RSBN1L: variants seen among roughly 807,000 people sequenced by gnomAD.
The protein encoded by RSBN1L is lysine-specific demethylase RSBN1L.
A neutral mutation model predicts 67.7 loss-of-function variants in RSBN1L; 30 were observed. The ratio of observed to expected loss-of-function variants is 0.44; its 90% CI spans 0.33 to 0.60. RSBN1L has a LOEUF of 0.60. Among genes scored for constraint, RSBN1L ranks in the 20% least tolerant of loss-of-function variants. RSBN1L has a pLI of 0.02. For synonymous variants in RSBN1L, 433 were observed against 387.0 expected, an observed-to-expected ratio of 1.12 and a Z score of -1.39; for missense variants, 992 against 1,031.7, an observed-to-expected ratio of 0.96 and a Z score of 0.53.
chr7:77,712,851 G>A (rs184889291), intron 1 of RSBN1L, among the ~76,000 whole-genome samples: 12 of 152,094 alleles, frequency 7.9e-5, no homozygotes, highest in Admixed American at 2.0e-4. Flanking sequence ...TTAAAACTTA[G>A]GATAAAGTTC....
intron 2 of RSBN1L, among the ~76,000 whole-genome samples, chr7:77,741,165 G>T (rs373743747): frequency 6.6e-6 from 1 of 150,728 alleles, no homozygotes; most frequent in Non-Finnish European, 1.5e-5. Context: ...TTTTGTGTTT[G>T]TAGTAGAGAT....
intron 3 of RSBN1L, among the ~76,000 whole-genome samples, chr7:77,758,885 T>C (rs1791659651): frequency 6.6e-6 from 1 of 152,242 alleles, no homozygotes; most frequent in African/African-American, 2.4e-5. Flanking sequence ...GTACATACTC[T>C]GGAACCCTGT....
rs963392986 is a variant in RSBN1L, at chr7:77,779,792, T to C, written c.*624T>C. On this transcript the variant is annotated 3_prime_UTR_variant, in exon 8 of 8. Coordinates refer to ENST00000334955, the MANE Select transcript of RSBN1L (RefSeq NM_198467.3). ...GTACGTAATTCAAATCTAGTAAATA[T>C]TTAAGTTCCTCACACTGTGCAGGCT... is the stretch of plus-strand genomic sequence containing the variant. The C allele has an allele frequency of 2.0e-5, 3 of 151,926 alleles. No individual in the cohort carries two copies. The highest frequency in any genetic ancestry group is 7.2e-5 in the African/African-American group (3 of 41,382). 9.4% of individuals were successfully genotyped at this position (151,926 alleles called of 1,614,324 possible). A position where few individuals can be genotyped will look rare whatever the true frequency, so the allele number is the denominator to read the frequency against.
At chr7:77,702,589 C>T (rs1236888518) in intron 1 of RSBN1L, among the ~76,000 whole-genome samples, 4 of 151,974 alleles carry the variant, frequency 2.6e-5, no homozygotes, top group Admixed American at 2.0e-4. Flanking sequence ...TCAGTTTCTT[C>T]AGATAGATGT....
At position 77,779,071 on chromosome 7, in the gene RSBN1L, A is replaced by C. The variant is rs1408986848; in HGVS notation, c.2444A>C (p.Glu815Ala). ...KFENSNKDLKEELCPGNLSLV... is the reference protein window; with the variant it reads ...KFENSNKDLKAELCPGNLSLV... ...GAAAATAGCAACAAAGATTTAAAGG[A>C]AGAATTGTGCCCTGGAAATCTAAGT... is the stretch of plus-strand genomic sequence containing the variant. The change falls in exon 8 of 8, where the codon GAA (glutamate) becomes GCA (alanine). Residue 815 changes from glutamate to alanine, a missense_variant. Around this residue, in one of 7 missense-constraint regions of RSBN1L, gnomAD observed 199 missense variants for 167.7 expected, o/e 1.19. Transcript: ENST00000334955. 6.2e-7 allele frequency: 1 copy of C among 1,613,588 alleles called. No individual in the cohort carries two copies. The highest frequency in any genetic ancestry group is 8.5e-7 in the Non-Finnish European group (1 of 1,179,644).
intron 1 of RSBN1L, among the ~76,000 whole-genome samples, chr7:77,728,505 CACGCCCAGAAG>C (rs768226171): frequency 7.2e-5 from 11 of 152,178 alleles, no homozygotes; most frequent in Non-Finnish European, 1.6e-4. Context: ...GCTATAGGTT[CACGCCCAGAAG>C]ACCCGTGGAG....
intron 1 of RSBN1L, among the ~76,000 whole-genome samples, chr7:77,731,478 C>T (rs1584286274): frequency 2.0e-5 from 3 of 152,158 alleles, no homozygotes; most frequent in African/African-American, 4.8e-5. Context: ...TCTAGCAGTC[C>T]GCCTGCCTCA....
rs558436181 is a variant in RSBN1L, at chr7:77,701,028, C to T, written c.586+3973C>T. On this transcript the variant is annotated intron_variant, in intron 1 of 7. Coordinates refer to ENST00000334955, the MANE Select transcript of RSBN1L (RefSeq NM_198467.3). ...AAAAAATTAGCCGGGTGTGGCGGCA[C>T]GCACCTATAGTCTCAGCTACCTGGG... Among the ~76,000 whole-genome samples, 15 of 151,856 alleles carry T rather than the reference C, an allele frequency of 9.9e-5. No homozygotes were observed. In the South Asian group the frequency reaches 1.5e-3, roughly 15 times the overall value.
At chr7:77,710,561 C>G (rs1401195985) in intron 1 of RSBN1L, among the ~76,000 whole-genome samples, 1 of 152,010 alleles carries the variant, frequency 6.6e-6, no homozygotes, top group Non-Finnish European at 1.5e-5. Flanking sequence ...CTTTGTTCTT[C>G]TCTTATCCTG....
chr7:77,705,152 G>C (rs1790873941), intron 1 of RSBN1L, among the ~76,000 whole-genome samples: 1 of 151,990 alleles, frequency 6.6e-6, no homozygotes, highest in Non-Finnish European at 1.5e-5. Context: ...ATTAGCTCTT[G>C]TTAAAAAATT....
chr7:77,771,483 G>A (rs1484908646), intron 5 of RSBN1L, among the ~76,000 whole-genome samples: 7 of 150,316 alleles, frequency 4.7e-5, no homozygotes, highest in Non-Finnish European at 8.8e-5. Flanking sequence ...AGTAGTAAAT[G>A]GTAAAATTGA....
chr7:77,724,242 G>T (rs938955499), intron 1 of RSBN1L, among the ~76,000 whole-genome samples: 3 of 151,720 alleles, frequency 2.0e-5, no homozygotes, highest in Non-Finnish European at 2.9e-5. Flanking sequence ...TACATATTAT[G>T]TTATATATTC....
At chr7:77,774,424 T>C (rs568648304) in intron 6 of RSBN1L, among the ~76,000 whole-genome samples, 3 of 151,694 alleles carry the variant, frequency 2.0e-5, no homozygotes, top group African/African-American at 7.3e-5. Context: ...CTCATCTCTA[T>C]TAAAAATACA....
At chr7:77,709,194 GTGTA>G (rs1346461075) in intron 1 of RSBN1L, among the ~76,000 whole-genome samples, 11,074 of 94,052 alleles carry the variant, frequency 0.12, 360 homozygotes, top group Middle Eastern at 0.16. Flanking sequence ...GTGTGTGTGT[GTGTA>G]TGTATGTGTA....
At chr7:77,747,337 C>T (rs1791497922) in intron 2 of RSBN1L, among the ~76,000 whole-genome samples, 1 of 152,194 alleles carries the variant, frequency 6.6e-6, no homozygotes, top group South Asian at 2.1e-4. Flanking sequence ...GGGGAAAGTC[C>T]TAGAAGGCAT....
intron 2 of RSBN1L, among the ~76,000 whole-genome samples, chr7:77,748,896 CGTCTGTCT>C (rs77607499): frequency 4.6e-5 from 7 of 151,468 alleles, no homozygotes; most frequent in African/African-American, 1.2e-4. Flanking sequence ...GCTCTATGCC[CGTCTGTCT>C]GTCTGTCTGT....
intron 1 of RSBN1L, among the ~76,000 whole-genome samples, chr7:77,734,788 CTGGAGT>C (rs1448031948): frequency 1.3e-5 from 2 of 152,136 alleles, no homozygotes; most frequent in Admixed American, 1.3e-4. Context: ...CGCGCCCGGC[CTGGAGT>C]AACATTTTAT....
At chr7:77,750,773 GA>G (rs1329057681) in intron 3 of RSBN1L, among the ~76,000 whole-genome samples, 1 of 152,112 alleles carries the variant, frequency 6.6e-6, no homozygotes, top group Non-Finnish European at 1.5e-5. Flanking sequence ...GGTTTTCTAG[GA>G]ACGGTTTTTG....
At chr7:77,752,117 A>C (rs771380348) in intron 3 of RSBN1L, among the ~76,000 whole-genome samples, 46 of 152,242 alleles carry the variant, frequency 3.0e-4, no homozygotes, top group African/African-American at 1.1e-3. Context: ...GGACTTGTTA[A>C]TCATGGCAGT....
Sources: allele counts gnomAD v4.1 joint callset (sites outside exome capture counted in the v4.1 genomes callset), GRCh38; gene constraint gnomAD v4.1.1; regional missense constraint gnomAD v4.1.1; transcripts MANE v1.5; gene names NCBI Gene and HGNC (gene_info 2026-07-23, HGNC 2026-07-21).